NTNG1: variants seen among roughly 807,000 people sequenced by gnomAD.
The protein encoded by NTNG1 is netrin-G1.
In NTNG1, 16 loss-of-function variants were observed where a neutral mutation model predicts 54.0. The ratio of observed to expected loss-of-function variants is 0.30; its 90% CI spans 0.20 to 0.45. The LOEUF (loss-of-function observed/expected upper bound fraction) is 0.45, where lower values mean the gene tolerates loss of function less well. Among genes scored for constraint, NTNG1 ranks in the 20% least tolerant of loss-of-function variants. The pLI is 1.00. For synonymous variants in NTNG1, 255 were observed against 263.1 expected (o/e 0.97, Z 0.30); for missense variants, 530 against 678.7 (o/e 0.78, Z 2.43).
intron 7 of NTNG1, among the ~76,000 whole-genome samples, chr1:107,477,678 A>C (rs1426192024): frequency 1.3e-5 from 2 of 152,104 alleles, no homozygotes; most frequent in Non-Finnish European, 2.9e-5. Flanking sequence ...GTAATTATTT[A>C]TACTATCATG....
rs116389000 is a variant in NTNG1, at chr1:107,257,426, C to T, written c.247-66856C>T. The stretch of plus-strand genomic sequence containing the variant: ...GGAAAATAAAAAGAATGCCTTTCAT[C>T]TCTTTAATATTTTGCCTCAACTTCG... On this transcript the variant is annotated intron_variant, in intron 2 of 7. Coordinates refer to ENST00000370068, the MANE Select transcript of NTNG1 (RefSeq NM_001113226.3). 5.2e-3 allele frequency among the ~76,000 whole-genome samples: 785 copies of T among 152,294 alleles called. 17 individuals are homozygous for T. The highest frequency in any genetic ancestry group is 0.018 in the African/African-American group (759 of 41,562).
At chr1:107,322,763 T>A (rs1395045672) in intron 2 of NTNG1, among the ~76,000 whole-genome samples, 5 of 152,116 alleles carry the variant, frequency 3.3e-5, no homozygotes, top group African/African-American at 1.2e-4. Flanking sequence ...AGAAACATTT[T>A]CATTATCACT....
chr1:107,238,357 A>T (rs932477120), intron 2 of NTNG1, among the ~76,000 whole-genome samples: 1 of 152,210 alleles, frequency 6.6e-6, no homozygotes, highest in African/African-American at 2.4e-5. Context: ...TTGATTTTAC[A>T]GACTCATACT....
At chr1:107,398,650 T>G (rs1332710736) in intron 4 of NTNG1, among the ~76,000 whole-genome samples, 1 of 152,186 alleles carries the variant, frequency 6.6e-6, no homozygotes. Flanking sequence ...CATCATGCTT[T>G]TATTCAAGAC....
At chr1:107,273,383 C>T (rs144755783) in intron 2 of NTNG1, among the ~76,000 whole-genome samples, 1 of 152,188 alleles carries the variant, frequency 6.6e-6, no homozygotes, top group Non-Finnish European at 1.5e-5. Flanking sequence ...TTATTTAAAT[C>T]TCCCCTCTGA....
chr1:107,171,885 G>C (rs1470050622), intron 2 of NTNG1, among the ~76,000 whole-genome samples: 1 of 76,674 alleles, frequency 1.3e-5, no homozygotes, highest in African/African-American at 3.8e-5. Context: ...CAACAGCCTG[G>C]ATTTTTTCCC....
At chr1:107,338,202 T>C (rs1205598989) in intron 3 of NTNG1, among the ~76,000 whole-genome samples, 2 of 151,948 alleles carry the variant, frequency 1.3e-5, no homozygotes, top group African/African-American at 2.4e-5. Context: ...ATGAGGGTTG[T>C]GGATAGAGAA....
At chr1:107,321,965 C>T (rs768199341) in intron 2 of NTNG1, among the ~76,000 whole-genome samples, 1 of 152,120 alleles carries the variant, frequency 6.6e-6, no homozygotes, top group Non-Finnish European at 1.5e-5. Context: ...ATTTCCTCTT[C>T]TGTAAGGTAG....
chr1:107,278,868 G>A (rs2101718067), intron 2 of NTNG1, among the ~76,000 whole-genome samples: 1 of 152,126 alleles, frequency 6.6e-6, no homozygotes, highest in South Asian at 2.1e-4. Context: ...GAATTTTAAT[G>A]ACCCTAAACT....
At chr1:107,339,197 A>T (rs1668765322) in intron 3 of NTNG1, among the ~76,000 whole-genome samples, 1 of 151,976 alleles carries the variant, frequency 6.6e-6, no homozygotes, top group Non-Finnish European at 1.5e-5. Flanking sequence ...GGGCTCTCAA[A>T]TTCTCTTTGG....
chr1:107,238,457 A>G (rs1250327828), intron 2 of NTNG1, among the ~76,000 whole-genome samples: 4 of 152,100 alleles, frequency 2.6e-5, no homozygotes, highest in African/African-American at 9.7e-5. Flanking sequence ...GGAAGGCATG[A>G]TTGGTTTTGA....
chr1:107,481,129 C>G lies in NTNG1; in HGVS notation c.*289C>G, dbSNP rs1289870483. ...GTGGATTGGAAAGGCTGCGACAGCCCCCCAAACAGGAAAGACAAAAAACAA... is the reference window on the plus strand; with the variant it reads ...GTGGATTGGAAAGGCTGCGACAGCCGCCCAAACAGGAAAGACAAAAAACAA... On this transcript the variant is annotated 3_prime_UTR_variant, in exon 8 of 8. Transcript: ENST00000370068. The G allele has an allele frequency of 1.6e-5, 7 of 432,544 alleles. No individual in the cohort carries two copies. The highest frequency in any genetic ancestry group is 1.2e-5 in the Non-Finnish European group (3 of 242,280). 26.8% of individuals were successfully genotyped at this position (432,544 alleles called of 1,614,324 possible).
chr1:107,407,887 T>C, intron 5 of NTNG1, 179 bp downstream of exon 5: 1 of 749,370 alleles, frequency 1.3e-6, no homozygotes, highest in Non-Finnish European at 2.5e-6. Flanking sequence ...ACAGATAAAG[T>C]GATTATTTGT....
intron 2 of NTNG1, among the ~76,000 whole-genome samples, chr1:107,273,187 G>T (rs960592194): frequency 6.6e-6 from 1 of 152,168 alleles, no homozygotes; most frequent in African/African-American, 2.4e-5. Context: ...AAGGTAGGGG[G>T]GTCCTGAAAG....
At chr1:107,385,431 A>G (rs1296955734) in intron 3 of NTNG1, among the ~76,000 whole-genome samples, 3 of 152,136 alleles carry the variant, frequency 2.0e-5, no homozygotes, top group Admixed American at 1.3e-4. Flanking sequence ...TATTCCAGGA[A>G]ATAAATGAGA....
chr1:107,401,196 G>A (rs1000639481), intron 4 of NTNG1, among the ~76,000 whole-genome samples: 14 of 152,062 alleles, frequency 9.2e-5, no homozygotes, highest in African/African-American at 3.1e-4. Flanking sequence ...ATAGCATATC[G>A]GATGGCGGAT....
chr1:107,291,567 T>G (rs1228338178), intron 2 of NTNG1, among the ~76,000 whole-genome samples: 1 of 152,150 alleles, frequency 6.6e-6, no homozygotes, highest in Non-Finnish European at 1.5e-5. Flanking sequence ...GCATTTCACA[T>G]AAAAGGAAAA....
At chr1:107,291,078 A>G (rs957334705) in intron 2 of NTNG1, among the ~76,000 whole-genome samples, 2 of 151,204 alleles carry the variant, frequency 1.3e-5, no homozygotes, top group Admixed American at 6.6e-5. Context: ...GTCTACTTAT[A>G]CACAGATTTT....
intron 5 of NTNG1, among the ~76,000 whole-genome samples, chr1:107,421,651 G>A (rs976833770): frequency 6.6e-6 from 1 of 151,958 alleles, no homozygotes; most frequent in African/African-American, 2.4e-5. Flanking sequence ...GTGTTGCTTA[G>A]GATCCAAAAA....
Sources: gnomAD v4.1 joint callset for allele counts (sites outside exome capture counted in the v4.1 genomes callset) on GRCh38, gnomAD v4.1.1 for gene constraint, MANE v1.5 for transcripts, NCBI Gene and HGNC (gene_info 2026-07-23, HGNC 2026-07-21) for gene names.